UIMC1: variants seen among roughly 807,000 people sequenced by gnomAD.
The protein encoded by UIMC1 is ubiquitin interaction motif containing 1, also known as BRCA1-A complex subunit RAP80.
A neutral mutation model predicts 84.9 loss-of-function variants in UIMC1; 42 were observed. The observed-to-expected ratio is 0.49, with a 90% CI of 0.39 to 0.64. The LOEUF (loss-of-function observed/expected upper bound fraction) is 0.64. Among genes scored for constraint, UIMC1 ranks in the 30% least tolerant of loss-of-function variants. The pLI, the probability that UIMC1 is intolerant of heterozygous loss-of-function variation, is 0.00. For missense variants in UIMC1, 825 were observed against 847.6 expected (o/e 0.97, Z 0.33); for synonymous variants, 281 against 293.0 (o/e 0.96, Z 0.42).
intron 1 of UIMC1, among the ~76,000 whole-genome samples, chr5:176,991,820 T>A (rs748813238): frequency 1.3e-4 from 20 of 152,106 alleles, no homozygotes; most frequent in Non-Finnish European, 2.4e-4. Context: ...TAGTCCCATC[T>A]ACTCGGGAGG....
intron 10 of UIMC1, among the ~76,000 whole-genome samples, chr5:176,932,858 CTTT>C (rs749495757): frequency 9.4e-5 from 10 of 106,676 alleles, no homozygotes; most frequent in East Asian, 4.9e-4. Context: ...AATAGCAATG[CTTT>C]TTTTTTTTTT....
rs369395025 is a variant in UIMC1 at position 176,922,152 on chromosome 5, T to C, written c.1598-10763A>G. Among the ~76,000 whole-genome samples, 12 of 152,282 alleles carry C rather than the reference T, an allele frequency of 7.9e-5. No homozygotes were observed. The East Asian group carries it at 1.7e-3, about 22-fold the overall frequency. On this transcript the variant is annotated intron_variant, in intron 10 of 14. Transcript: ENST00000511320. ...CACTCTCCATCCCCTCTTCTTGCCTTGTTTTTCTTAAATTGTATTTATTAT... is the reference window on the plus strand; with the variant it reads ...CACTCTCCATCCCCTCTTCTTGCCTCGTTTTTCTTAAATTGTATTTATTAT...
intron 10 of UIMC1, among the ~76,000 whole-genome samples, chr5:176,924,900 A>G (rs1762187482): frequency 1.3e-5 from 2 of 151,866 alleles, no homozygotes; most frequent in African/African-American, 4.8e-5. Flanking sequence ...TTAGCCGGGC[A>G]CACATCTGTA....
chr5:176,999,412 C>T (rs191537736), intron 1 of UIMC1, among the ~76,000 whole-genome samples: 2 of 152,082 alleles, frequency 1.3e-5, no homozygotes, highest in East Asian at 3.9e-4. Flanking sequence ...GTGTTACAAA[C>T]AATACAATTA....
At chr5:176,961,817 C>T (rs1385039600) in intron 6 of UIMC1, among the ~76,000 whole-genome samples, 2 of 14,538 alleles carry the variant, frequency 1.4e-4, no homozygotes, top group Non-Finnish European at 2.7e-4. Context: ...AGGTGAGGGG[C>T]GCCTCTGCCC....
intron 10 of UIMC1, among the ~76,000 whole-genome samples, chr5:176,940,075 C>A (rs775227465): frequency 3.3e-5 from 5 of 152,126 alleles, no homozygotes; most frequent in Non-Finnish European, 4.4e-5. Context: ...AAGACTCAGT[C>A]TATTTTGCCC....
intron 8 of UIMC1, among the ~76,000 whole-genome samples, chr5:176,954,233 A>T (rs1411218832): frequency 2.0e-5 from 3 of 152,184 alleles, no homozygotes; most frequent in African/African-American, 7.2e-5. Flanking sequence ...GTGATGTCAC[A>T]CGCCATCATC....
At chr5:177,000,175 G>T (rs1013367788) in intron 1 of UIMC1, among the ~76,000 whole-genome samples, 2 of 152,272 alleles carry the variant, frequency 1.3e-5, no homozygotes, top group Admixed American at 6.5e-5. Flanking sequence ...AGCCAGGATG[G>T]TCTCAATCTG....
intron 10 of UIMC1, among the ~76,000 whole-genome samples, chr5:176,934,025 A>G (rs1561771502): frequency 6.6e-6 from 1 of 152,120 alleles, no homozygotes. Context: ...AGTCATACCC[A>G]AGTCTGTTTC....
intron 10 of UIMC1, among the ~76,000 whole-genome samples, chr5:176,924,506 T>C (rs980821165): frequency 4.3e-4 from 65 of 152,136 alleles, no homozygotes; most frequent in African/African-American, 1.4e-3. Context: ...CTCTCACTTA[T>C]ACAGTAAGTT....
chr5:176,931,094 T>C (rs767315533), intron 10 of UIMC1, among the ~76,000 whole-genome samples: 3 of 152,234 alleles, frequency 2.0e-5, no homozygotes, highest in Non-Finnish European at 4.4e-5. Flanking sequence ...TGCCTGACAA[T>C]GCAAGTGCTA....
At chr5:176,930,704 T>G (rs1485065169) in intron 10 of UIMC1, among the ~76,000 whole-genome samples, 1 of 152,188 alleles carries the variant, frequency 6.6e-6, no homozygotes, top group African/African-American at 2.4e-5. Context: ...GTTAGAAAAC[T>G]CCTTAGAGAT....
chr5:176,947,080 T>G (rs926404257), intron 9 of UIMC1, among the ~76,000 whole-genome samples: 2 of 152,198 alleles, frequency 1.3e-5, no homozygotes, highest in Non-Finnish European at 2.9e-5. Context: ...ATGCAGAGAA[T>G]GTACCTTTAA....
intron 10 of UIMC1, among the ~76,000 whole-genome samples, chr5:176,931,168 AATAG>A (rs1299924604): frequency 1.3e-5 from 2 of 152,204 alleles, no homozygotes; most frequent in South Asian, 2.1e-4. Context: ...TCCTTATATT[AATAG>A]ATAATTATAG....
chr5:177,006,363 A>C (rs1437687418), intron 1 of UIMC1: 2 of 152,272 alleles, frequency 1.3e-5, no homozygotes, highest in African/African-American at 4.8e-5. Flanking sequence ...CGGCGTCCGG[A>C]ATCCGCCCCG....
chr5:176,943,520 G>C, intron 9 of UIMC1, 32 bp from the exon 10 acceptor site: 1 of 1,608,776 alleles, frequency 6.2e-7, no homozygotes, highest in East Asian at 2.2e-5. Flanking sequence ...AATCATAACA[G>C]CTTTAGTTCA....
chr5:176,907,330 A>C, intron 12 of UIMC1, 153 bp from the exon 13 acceptor site: 1 of 674,958 alleles, frequency 1.5e-6, no homozygotes. Context: ...CGAGGGTTTC[A>C]CAAGTGAAAA....
chr5:177,022,183 C>G (rs1043218156), intron 1 of UIMC1, among the ~76,000 whole-genome samples: 1 of 151,948 alleles, frequency 6.6e-6, no homozygotes, highest in African/African-American at 2.4e-5. Flanking sequence ...ATTGGAGAAG[C>G]CTATTAGCCA....
At chr5:177,020,591 C>T (rs889126395) in intron 1 of UIMC1, among the ~76,000 whole-genome samples, 2 of 152,212 alleles carry the variant, frequency 1.3e-5, no homozygotes, top group Non-Finnish European at 2.9e-5. Context: ...CCACCACGCC[C>T]GGCTAATTTT....
Sources: gnomAD v4.1 joint callset for allele counts (sites outside exome capture counted in the v4.1 genomes callset) on GRCh38, gnomAD v4.1.1 for gene constraint, MANE v1.5 for transcripts, NCBI Gene and HGNC (gene_info 2026-07-23, HGNC 2026-07-21) for gene names.